LARS1: variants seen among roughly 807,000 people sequenced by gnomAD.
The protein encoded by LARS1 is leucyl-tRNA synthetase 1, also known as leucine--tRNA ligase, cytoplasmic.
LARS1 carries 100 observed loss-of-function variants against 162.8 expected under a neutral mutation model. The observed-to-expected ratio is 0.61, with a 90% CI of 0.52 to 0.73. The LOEUF (loss-of-function observed/expected upper bound fraction) is 0.73, where lower values mean the gene tolerates loss of function less well. Ranked by LOEUF, LARS1 falls within the 30% of genes least tolerant of loss-of-function variation. LARS1 has a pLI of 0.00. For missense variants in LARS1, 1,258 were observed against 1,408.9 expected (o/e 0.89, Z 1.71); for synonymous variants, 457 against 462.8 (o/e 0.99, Z 0.16).
chr5:146,171,159 A>G (rs1754257821), intron 4 of LARS1, among the ~76,000 whole-genome samples: 1 of 151,982 alleles, frequency 6.6e-6, no homozygotes, highest in Non-Finnish European at 1.5e-5. Flanking sequence ...GAGTTCCAGA[A>G]CAGCCTAGCC....
At chr5:146,153,046 T>G in intron 13 of LARS1, 128 bp downstream of exon 13, 1 of 689,522 alleles carries the variant, frequency 1.5e-6, no homozygotes, top group East Asian at 3.0e-5. Flanking sequence ...TTAAAGTGAG[T>G]AAATCCTTAA....
At position 146,157,722 on chromosome 5, in the gene LARS1, A is replaced by G; in HGVS notation, c.839+6T>C. 1 of 1,614,132 alleles carries G rather than the reference A, an allele frequency of 6.2e-7. No homozygotes were observed. On this transcript the variant is annotated splice_donor_region_variant and intron_variant, in intron 9 of 31. Coordinates refer to ENST00000394434, the MANE Select transcript of LARS1 (RefSeq NM_020117.11). ...AATGATAAAGCAATTACTCTGGCAA[A>G]CCTACCTTAATTTAGATGGGTATGG...
intron 31 of LARS1, 143 bp downstream of exon 31, chr5:146,120,228 T>G (rs1751755472): frequency 1.1e-6 from 1 of 900,048 alleles, no homozygotes; most frequent in Non-Finnish European, 1.7e-6. Context: ...AAGAATAGTT[T>G]TCTTGATTCT....
At chr5:146,117,830 GA>G (rs1280225641) in intron 31 of LARS1, among the ~76,000 whole-genome samples, 1 of 152,144 alleles carries the variant, frequency 6.6e-6, no homozygotes, top group Non-Finnish European at 1.5e-5. Context: ...GACACAAAAG[GA>G]AAAATATTGT....
At chr5:146,123,322 A>G (rs1424775321) in intron 29 of LARS1, among the ~76,000 whole-genome samples, 1 of 151,946 alleles carries the variant, frequency 6.6e-6, no homozygotes, top group South Asian at 2.1e-4. Flanking sequence ...GTCTGAGACC[A>G]GCTTATTTAC....
intron 15 of LARS1, among the ~76,000 whole-genome samples, chr5:146,148,597 G>A (rs971962237): frequency 4.6e-5 from 7 of 152,128 alleles, no homozygotes; most frequent in African/African-American, 1.7e-4. Context: ...TACAGTGTAC[G>A]GAGAAGACAG....
intron 21 of LARS1, chr5:146,138,371 C>G (rs1445557828): frequency 4.5e-5 from 7 of 157,020 alleles, no homozygotes. Flanking sequence ...CTATACCCCT[C>G]AAGGATTTAA....
intron 31 of LARS1, among the ~76,000 whole-genome samples, chr5:146,117,378 G>A (rs945953142): frequency 6.6e-6 from 1 of 152,192 alleles, no homozygotes; most frequent in African/African-American, 2.4e-5. Flanking sequence ...GGGAGGCCGA[G>A]ACAGGCAGAT....
intron 12 of LARS1, among the ~76,000 whole-genome samples, chr5:146,153,446 C>T (rs559808701): frequency 6.6e-6 from 1 of 152,230 alleles, no homozygotes; most frequent in East Asian, 1.9e-4. Context: ...CTAAATGAAA[C>T]CACACAACCA....
Position 146,122,591 on chromosome 5 carries a change from A to C in LARS1, c.3097-4T>G. The C allele has an allele frequency of 1.3e-6, 2 of 1,562,430 alleles. No homozygotes were observed. The highest frequency in any genetic ancestry group is 2.3e-5 in the South Asian group (2 of 87,724). On this transcript the variant is annotated splice_region_variant and splice_polypyrimidine_tract_variant and intron_variant, in intron 29 of 31. Coordinates refer to ENST00000394434, the MANE Select transcript of LARS1 (RefSeq NM_020117.11). ...ACTTGACTTCTATGTGTTCTAGCTA[A>C]ACAGACGGGAAAAAATGGAAGTTAT...
chr5:146,149,696 T>A lies in LARS1; in HGVS notation c.1429A>T (p.Met477Leu), dbSNP rs1210947020. The change falls in exon 15 of 32, where the codon ATG (methionine) becomes TTG (leucine). Residue 477 changes from methionine (M) to leucine (L), a missense_variant. By Grantham distance (15) the Met-to-Leu change is conservative. Transcript: ENST00000394434. ...TGTCCTTTAAATCCATCCACCAACA[T>A]GATCTAAAAGGATGAGAGGGGAGAA... Reference protein sequence around the residue: ...IYLKGFYEGIMLVDGFKGQKV... With the variant: ...IYLKGFYEGILLVDGFKGQKV... The A allele has an allele frequency of 1.2e-6, 2 of 1,609,040 alleles. No homozygotes were observed. Among genetic ancestry groups the A allele is most frequent in the African/African-American group, 2.7e-5 (2 of 74,804 alleles).
At chr5:146,182,372 T>C (rs976686566) in intron 1 of LARS1, 116 bp downstream of exon 1, 2 of 1,386,580 alleles carry the variant, frequency 1.4e-6, no homozygotes, top group Non-Finnish European at 2.1e-6. Context: ...AGGCACGCCT[T>C]AAGCGTGGCT....
intron 31 of LARS1, among the ~76,000 whole-genome samples, chr5:146,116,060 C>T (rs888243623): frequency 3.9e-5 from 6 of 152,140 alleles, no homozygotes; most frequent in African/African-American, 7.2e-5. Context: ...CAATTACCTG[C>T]GACTACCACA....
intron 10 of LARS1, among the ~76,000 whole-genome samples, chr5:146,154,436 A>C (rs1416509819): frequency 6.6e-6 from 1 of 152,230 alleles, no homozygotes; most frequent in African/African-American, 2.4e-5. Flanking sequence ...CAATGTATAT[A>C]TATTTCAAAA....
At chr5:146,170,972 G>T (rs572818683) in intron 4 of LARS1, among the ~76,000 whole-genome samples, 21 of 152,128 alleles carry the variant, frequency 1.4e-4, no homozygotes, top group African/African-American at 4.8e-4. Context: ...TATGGCAAAC[G>T]TTAAGACTTT....
rs376269562 is a variant in LARS1, at chr5:146,133,006, C to A, written c.2288G>T (p.Gly763Val). The change falls in exon 23 of 32, where the codon GGT becomes GTT. Residue 763 changes from glycine to valine, a missense_variant. Transcript: ENST00000394434. Reference protein sequence around the residue: ...ANFVEAMADAGILRLYTWVEW... With the variant: ...ANFVEAMADAVILRLYTWVEW... ...TACCCAGGTGTACAGACGGAGAATA[C>A]CTGCATCTGCCATGGCTTCCACAAA... is the stretch of plus-strand genomic sequence containing the variant. 13 of 1,614,052 alleles carry A rather than the reference C, an allele frequency of 8.1e-6. No homozygotes were observed. Among genetic ancestry groups the A allele is most frequent in the African/African-American group, 4.0e-5 (3 of 75,020 alleles).
intron 15 of LARS1, 120 bp from the exon 16 acceptor site, chr5:146,144,829 TTA>T: frequency 1.2e-6 from 1 of 841,258 alleles, no homozygotes; most frequent in Non-Finnish European, 1.9e-6. Flanking sequence ...CACATTTTCA[TTA>T]TGTCTTGCCC....
intron 2 of LARS1, among the ~76,000 whole-genome samples, chr5:146,174,587 C>CATATAT (rs58220245): frequency 2.8e-4 from 7 of 24,740 alleles, no homozygotes; most frequent in African/African-American, 5.3e-4. Flanking sequence ...TGTATATATC[C>CATATAT]ATATATATAT....
intron 25 of LARS1, 52 bp downstream of exon 25, chr5:146,129,966 T>C: frequency 6.4e-7 from 1 of 1,562,776 alleles, no homozygotes; most frequent in Non-Finnish European, 8.7e-7. Flanking sequence ...AACACTTATT[T>C]AATGAAGCCA....
Sources: allele counts gnomAD v4.1 joint callset (sites outside exome capture counted in the v4.1 genomes callset), GRCh38; gene constraint gnomAD v4.1.1; transcripts MANE v1.5; gene names NCBI Gene and HGNC (gene_info 2026-07-23, HGNC 2026-07-21).